AP2B1: variants seen among roughly 807,000 people sequenced by gnomAD.
AP2B1 encodes AP-2 complex subunit beta.
AP2B1 carries 23 observed loss-of-function variants against 102.0 expected under a neutral mutation model. The observed-to-expected ratio is 0.23, with a 90% confidence interval of 0.16 to 0.32. The LOEUF (loss-of-function observed/expected upper bound fraction) is 0.32, where lower values mean the gene tolerates loss of function less well. Ranked by LOEUF, AP2B1 falls within the 10% of genes least tolerant of loss-of-function variation. The probability of loss-of-function intolerance (pLI) is 1.00; values close to 1 mark genes in which losing one functional copy is unlikely to be tolerated. For synonymous variants in AP2B1, 381 were observed against 421.2 expected (o/e 0.90, Z 1.17); for missense variants, 541 against 1,157.4 (o/e 0.47, Z 7.73).
chr17:35,679,927 CTTT>C (rs34182919), intron 17 of AP2B1, among the ~76,000 whole-genome samples: 33 of 136,736 alleles, frequency 2.4e-4, no homozygotes, highest in Admixed American at 2.9e-4. Flanking sequence ...TGTGTAAACT[CTTT>C]TTTTTTTTTT....
chr17:35,706,854 T>TG (rs2076350376), intron 18 of AP2B1, among the ~76,000 whole-genome samples: 1 of 151,980 alleles, frequency 6.6e-6, no homozygotes, highest in Non-Finnish European at 1.5e-5. Flanking sequence ...GGTTTCACCA[T>TG]CTGGCCAGGC....
intron 9 of AP2B1, among the ~76,000 whole-genome samples, chr17:35,632,472 G>T (rs2074490153): frequency 6.6e-6 from 1 of 152,018 alleles, no homozygotes; most frequent in Non-Finnish European, 1.5e-5. Context: ...AATCAACCGG[G>T]AAATAATTTT....
chr17:35,673,171 T>C lies in AP2B1; in HGVS notation c.2179-1005T>C, dbSNP rs1006718227. Among the ~76,000 whole-genome samples, 10 of 152,204 alleles carry C rather than the reference T, an allele frequency of 6.6e-5. No individual in the cohort carries two copies. The South Asian group carries it at 1.0e-3, about 16-fold the overall frequency. Reference sequence around the variant, plus strand: ...TCACCACCCACAGATCCTTTGGTATTCTGTCTTAGGTGGTCAGAACAGCTC... The same window carrying C: ...TCACCACCCACAGATCCTTTGGTATCCTGTCTTAGGTGGTCAGAACAGCTC... On this transcript the variant is annotated intron_variant, in intron 16 of 21. Coordinates refer to ENST00000610402, the MANE Select transcript of AP2B1 (RefSeq NM_001030006.2).
At chr17:35,634,789 G>C (rs2074559325) in intron 9 of AP2B1, among the ~76,000 whole-genome samples, 1 of 152,154 alleles carries the variant, frequency 6.6e-6, no homozygotes, top group African/African-American at 2.4e-5. Context: ...ATGCTTGAAA[G>C]CTCCTACAAA....
At chr17:35,589,877 G>T (rs570338348) in intron 1 of AP2B1, among the ~76,000 whole-genome samples, 56 of 149,046 alleles carry the variant, frequency 3.8e-4, no homozygotes, top group African/African-American at 1.4e-3. Flanking sequence ...GCAAATATTA[G>T]ATTTTTTTTT....
At chr17:35,612,878 G>GCACACACACACACA (rs777131172) in intron 5 of AP2B1, among the ~76,000 whole-genome samples, 5 of 79,710 alleles carry the variant, frequency 6.3e-5, no homozygotes, top group African/African-American at 9.2e-5. Flanking sequence ...ATGTGTATGT[G>GCACACACACACACA]CGCACACACA....
At chr17:35,624,280 T>C in intron 5 of AP2B1, 117 bp from the exon 6 acceptor site, 1 of 890,978 alleles carries the variant, frequency 1.1e-6, no homozygotes, top group East Asian at 2.4e-5. Flanking sequence ...CTAGGTAAAA[T>C]GTTCAGGAAT....
chr17:35,696,535 C>T (rs587647748), intron 18 of AP2B1, among the ~76,000 whole-genome samples: 79 of 151,374 alleles, frequency 5.2e-4, no homozygotes, highest in African/African-American at 1.8e-3. Flanking sequence ...TTACGGGTGC[C>T]CGCCACCACA....
intron 20 of AP2B1, among the ~76,000 whole-genome samples, chr17:35,714,095 A>G (rs2076504158): frequency 6.6e-6 from 1 of 152,222 alleles, no homozygotes. Context: ...TTATAATATT[A>G]AGAAAAGCTC....
chr17:35,690,208 A>G (rs145115678), intron 18 of AP2B1, among the ~76,000 whole-genome samples: 1,757 of 152,232 alleles, frequency 0.012, 15 homozygotes, highest in Middle Eastern at 0.041. Flanking sequence ...TCTTTCTTCT[A>G]TAGGCAACAA....
intron 21 of AP2B1, among the ~76,000 whole-genome samples, chr17:35,721,247 G>A (rs1555593049): frequency 1.3e-5 from 2 of 152,176 alleles, no homozygotes; most frequent in East Asian, 1.9e-4. Context: ...CTTGTCCCAC[G>A]TGAAGCAGTG....
Position 35,712,520 on chromosome 17 carries a change from C to T in AP2B1, c.2626+2200C>T, listed in dbSNP as rs587744395. ...GCGGGCACCTGTGGTCTCAGCTACT[C>T]GGGAGGCTGAGGCAGGAGAATCAGC... On this transcript the variant is annotated intron_variant, in intron 20 of 21. Coordinates refer to ENST00000610402, the MANE Select transcript of AP2B1 (RefSeq NM_001030006.2). 3.9e-5 allele frequency among the ~76,000 whole-genome samples: 6 copies of T among 151,986 alleles called. No homozygotes were observed. In the South Asian group the frequency reaches 1.2e-3, roughly 32 times the overall value.
chr17:35,633,898 G>T (rs1271587822), intron 9 of AP2B1, among the ~76,000 whole-genome samples: 1 of 152,134 alleles, frequency 6.6e-6, no homozygotes, highest in Non-Finnish European at 1.5e-5. Flanking sequence ...TGTAATACTA[G>T]CACTTTGGGA....
intron 3 of AP2B1, among the ~76,000 whole-genome samples, chr17:35,598,560 C>T (rs555722655): frequency 3.3e-5 from 5 of 152,186 alleles, no homozygotes; most frequent in South Asian, 4.1e-4. Flanking sequence ...AACAGTGAAA[C>T]GAGTTTGATT....
intron 14 of AP2B1, among the ~76,000 whole-genome samples, chr17:35,668,021 T>A (rs2142937258): frequency 7.0e-6 from 1 of 143,724 alleles, no homozygotes; most frequent in East Asian, 2.2e-4. Context: ...CACTGCAACC[T>A]CTGCCTCCCA....
intron 10 of AP2B1, 73 bp from the exon 11 acceptor site, chr17:35,639,522 T>TGCCTTTA: frequency 7.1e-7 from 1 of 1,413,982 alleles, no homozygotes; most frequent in South Asian, 1.4e-5. Flanking sequence ...TTTGTGGTTT[T>TGCCTTTA]GCCTTTAGCC....
chr17:35,720,297 C>A (rs1444710351), intron 21 of AP2B1, among the ~76,000 whole-genome samples: 2 of 151,754 alleles, frequency 1.3e-5, no homozygotes, highest in Non-Finnish European at 2.9e-5. Flanking sequence ...TCACATTAAC[C>A]CATACATAAA....
intron 4 of AP2B1, among the ~76,000 whole-genome samples, chr17:35,607,210 T>A (rs2073710288): frequency 6.6e-6 from 1 of 151,194 alleles, no homozygotes; most frequent in African/African-American, 2.4e-5. Context: ...CAGCCTAATA[T>A]TTTTTTAATA....
chr17:35,715,407 C>T (rs111529117), intron 20 of AP2B1, among the ~76,000 whole-genome samples: 1,531 of 152,326 alleles, frequency 0.01, 20 homozygotes, highest in African/African-American at 0.035. Context: ...GCCCTTGCCA[C>T]ATGTATATGC....
Sources: allele counts gnomAD v4.1 joint callset (sites outside exome capture counted in the v4.1 genomes callset), GRCh38; gene constraint gnomAD v4.1.1; transcripts MANE v1.5; gene names NCBI Gene and HGNC (gene_info 2026-07-23, HGNC 2026-07-21).